RASSF8: variants seen among roughly 807,000 people sequenced by gnomAD.
RASSF8 encodes the protein Ras association domain family member 8.
RASSF8 carries 22 observed loss-of-function variants against 48.5 expected under a neutral mutation model. The ratio of observed to expected loss-of-function variants is 0.45; its 90% CI spans 0.32 to 0.65. The LOEUF is 0.65. Ranked by LOEUF, RASSF8 falls within the 30% of genes least tolerant of loss-of-function variation. The pLI, the probability that RASSF8 is intolerant of heterozygous loss-of-function variation, is 0.03. For synonymous variants in RASSF8, 127 were observed against 171.5 expected (o/e 0.74, Z 2.03); for missense variants, 418 against 489.2 (o/e 0.85, Z 1.37).
At chr12:25,974,955 A>C (rs1482993226) in intron 1 of RASSF8, among the ~76,000 whole-genome samples, 2 of 152,204 alleles carry the variant, frequency 1.3e-5, no homozygotes, top group South Asian at 2.1e-4. Context: ...ATAAGAACCA[A>C]TCTTATCTTT....
At position 25,994,121 on chromosome 12, in the gene RASSF8, T is replaced by C. The variant is rs1316786994; in HGVS notation, c.-202-916T>C. On this transcript the variant is annotated intron_variant, in intron 1 of 5. Coordinates refer to ENST00000689635, the MANE Select transcript of RASSF8 (RefSeq NM_001394098.1). ...GGTGTTTGAAATGTGTATGTTTTCT[T>C]ACATTTGCATCAGATTTGGGGTCTG... Among the ~76,000 whole-genome samples the C allele has an allele frequency of 5.3e-5, 8 of 152,210 alleles. No individual in the cohort carries two copies. The East Asian group carries it at 1.5e-3, about 29-fold the overall frequency.
At chr12:26,066,708 T>C (rs1943883351) in intron 4 of RASSF8, among the ~76,000 whole-genome samples, 2 of 152,182 alleles carry the variant, frequency 1.3e-5, no homozygotes, top group Admixed American at 1.3e-4. Context: ...TATCCCCAAG[T>C]ACCCCCTACA....
intron 1 of RASSF8, among the ~76,000 whole-genome samples, chr12:25,975,094 A>G (rs552609397): frequency 6.6e-6 from 1 of 152,268 alleles, no homozygotes; most frequent in South Asian, 2.1e-4. Context: ...TCCTAAGTCC[A>G]CCTGAGGAAA....
intron 2 of RASSF8, among the ~76,000 whole-genome samples, chr12:26,000,955 T>G (rs1160354446): frequency 6.6e-6 from 1 of 151,090 alleles, no homozygotes; most frequent in Non-Finnish European, 1.5e-5. Flanking sequence ...ACTGTGTACT[T>G]AAGCTGCACA....
intron 2 of RASSF8, among the ~76,000 whole-genome samples, chr12:26,036,299 C>A (rs899485329): frequency 6.6e-6 from 1 of 151,838 alleles, no homozygotes; most frequent in East Asian, 1.9e-4. Flanking sequence ...GTTTCTGTTT[C>A]GTTTTGTTTT....
rs960877821 is a variant in RASSF8 at position 26,072,142 on chromosome 12, A to G, written c.*3324A>G. ...TGATAAATTTGGCCTTAATTTATATAACGATGCTGTGTTCACATCCCTCTC... is the reference window on the plus strand; with the variant it reads ...TGATAAATTTGGCCTTAATTTATATGACGATGCTGTGTTCACATCCCTCTC... On this transcript the variant is annotated 3_prime_UTR_variant, in exon 6 of 6. Transcript: ENST00000689635. 6.7e-5 allele frequency: 66 copies of G among 984,072 alleles called. No homozygotes were observed. Among genetic ancestry groups the G allele is most frequent in the Non-Finnish European group, 8.0e-5 (66 of 828,784 alleles). The allele number at this position is 984,072 out of a possible 1,614,324, so 61.0% of individuals were successfully genotyped here.
intron 1 of RASSF8, among the ~76,000 whole-genome samples, chr12:25,991,672 TGCTTGAATGTCTG>T (rs1304502726): frequency 6.6e-6 from 1 of 152,190 alleles, no homozygotes; most frequent in East Asian, 1.9e-4. Flanking sequence ...TCCATAGGGC[TGCTTGAATGTCTG>T]GCTTATATCA....
At chr12:25,998,430 A>ACCT (rs1285314883) in intron 2 of RASSF8, among the ~76,000 whole-genome samples, 3 of 150,760 alleles carry the variant, frequency 2.0e-5, no homozygotes, top group African/African-American at 7.3e-5. Flanking sequence ...GCTCGCCGCA[A>ACCT]CCTCCGCCTC....
At chr12:26,064,406 G>A (rs547751084) in intron 3 of RASSF8, 92 bp from the exon 4 acceptor site, 50 of 1,293,868 alleles carry the variant, frequency 3.9e-5, no homozygotes, top group Non-Finnish European at 5.1e-5. Flanking sequence ...GATGCTAATC[G>A]AAAATACACA....
At chr12:25,992,983 G>C (rs1036279706) in intron 1 of RASSF8, among the ~76,000 whole-genome samples, 1 of 152,172 alleles carries the variant, frequency 6.6e-6, no homozygotes, top group Admixed American at 6.5e-5. Context: ...AAAGTGACCT[G>C]GTGAAGAGTG....
At chr12:26,039,944 G>A (rs1025030987) in intron 2 of RASSF8, among the ~76,000 whole-genome samples, 1 of 152,160 alleles carries the variant, frequency 6.6e-6, no homozygotes, top group Admixed American at 6.5e-5. Flanking sequence ...ACATAATCAT[G>A]TATGTTACTG....
At chr12:26,039,702 A>C (rs1328030410) in intron 2 of RASSF8, among the ~76,000 whole-genome samples, 1 of 152,200 alleles carries the variant, frequency 6.6e-6, no homozygotes, top group African/African-American at 2.4e-5. Flanking sequence ...TTTTCTAATA[A>C]TATGAATTTT....
chr12:26,068,353 G>A (rs538577928), intron 5 of RASSF8, among the ~76,000 whole-genome samples: 2 of 151,848 alleles, frequency 1.3e-5, no homozygotes, highest in Non-Finnish European at 2.9e-5. Flanking sequence ...TGTTCCTTAT[G>A]CCCCCCTTTT....
Position 26,000,891 on chromosome 12 carries a change from T to C in RASSF8, c.-109+5761T>C, listed in dbSNP as rs534888811. Among the ~76,000 whole-genome samples, 7 of 152,240 alleles carry C rather than the reference T, an allele frequency of 4.6e-5. No homozygotes were observed. The East Asian group carries it at 5.8e-4, about 13-fold the overall frequency. On this transcript the variant is annotated intron_variant, in intron 2 of 5. Coordinates refer to ENST00000689635, the MANE Select transcript of RASSF8 (RefSeq NM_001394098.1). The stretch of plus-strand genomic sequence containing the variant: ...TGCTCTGGGTGAGGCAGTGATTGTT[T>C]AGTGAATGTGAGGGCCGAGGACATT...
intron 1 of RASSF8, among the ~76,000 whole-genome samples, chr12:25,965,299 CA>C (rs913150009): frequency 2.0e-5 from 3 of 150,376 alleles, no homozygotes; most frequent in African/African-American, 7.3e-5. Flanking sequence ...CCTAACTGTA[CA>C]ATTTTACAAG....
chr12:25,959,611 T>C (rs1195845637), intron 1 of RASSF8: 2 of 152,266 alleles, frequency 1.3e-5, no homozygotes, highest in African/African-American at 4.8e-5. Context: ...CTATTAACCA[T>C]CTGCATTCTA....
At chr12:26,026,961 A>G (rs1379417739) in intron 2 of RASSF8, among the ~76,000 whole-genome samples, 1 of 152,244 alleles carries the variant, frequency 6.6e-6, no homozygotes, top group Non-Finnish European at 1.5e-5. Context: ...TCATAGCAGC[A>G]TTATTCATAA....
At chr12:25,975,752 G>C (rs1306807769) in intron 1 of RASSF8, among the ~76,000 whole-genome samples, 1 of 152,156 alleles carries the variant, frequency 6.6e-6, no homozygotes, top group Non-Finnish European at 1.5e-5. Flanking sequence ...CTATTTAGAA[G>C]GTAGTACACG....
downstream of RASSF8, among the ~76,000 whole-genome samples, chr12:26,073,690 G>A (rs1466957487): frequency 6.6e-6 from 1 of 151,206 alleles, no homozygotes; most frequent in Non-Finnish European, 1.5e-5. Flanking sequence ...AGTGAGCCGA[G>A]ATCGCACCAC....
Sources: gnomAD v4.1 joint callset for allele counts (sites outside exome capture counted in the v4.1 genomes callset) on GRCh38, gnomAD v4.1.1 for gene constraint, MANE v1.5 for transcripts, NCBI Gene and HGNC (gene_info 2026-07-23, HGNC 2026-07-21) for gene names.